MAF: variants seen among roughly 807,000 people sequenced by gnomAD.
The protein encoded by MAF is MAF bZIP transcription factor, also known as transcription factor Maf.
In MAF, 10 loss-of-function variants were observed where a neutral mutation model predicts 22.0. That is an observed-to-expected ratio of 0.45 (90% confidence interval 0.28 to 0.77). The LOEUF is 0.77. Among genes scored for constraint, MAF ranks in the 30% least tolerant of loss-of-function variants. MAF has a pLI of 0.12. For missense variants in MAF, 544 were observed against 548.4 expected (o/e 0.99, Z 0.08); for synonymous variants, 337 against 255.8 (o/e 1.32, Z -3.03).
At chr16:79,291,776 T>C in the MAF span, among the ~76,000 whole-genome samples, 10 of 147,068 alleles carry the variant, frequency 6.8e-5, 1 homozygote, top group African/African-American at 2.5e-4. Flanking sequence ...ATTGAGTACA[T>C]ACTAGATGGT....
At chr16:79,579,665 A>T in the MAF span, among the ~76,000 whole-genome samples, 1 of 152,230 alleles carries the variant, frequency 6.6e-6, no homozygotes, top group African/African-American at 2.4e-5. Flanking sequence ...AAAAAGATGC[A>T]TTCTCCGAAT....
At chr16:79,227,938 C>G in the MAF span, among the ~76,000 whole-genome samples, 4 of 152,104 alleles carry the variant, frequency 2.6e-5, no homozygotes, top group South Asian at 8.3e-4. Context: ...GGGTCTTTCT[C>G]TGTCACACAG....
the MAF span, among the ~76,000 whole-genome samples, chr16:79,491,516 C>T: frequency 6.6e-6 from 1 of 152,128 alleles, no homozygotes; most frequent in Non-Finnish European, 1.5e-5. Context: ...CCCATTTCCC[C>T]ATAGTGAAAT....
At chr16:79,318,928 C>G in the MAF span, among the ~76,000 whole-genome samples, 3 of 152,188 alleles carry the variant, frequency 2.0e-5, no homozygotes, top group African/African-American at 7.2e-5. Flanking sequence ...CAACAGCCAT[C>G]AGAACCCTCA....
the MAF span, among the ~76,000 whole-genome samples, chr16:79,480,065 G>C: frequency 6.6e-6 from 1 of 152,124 alleles, no homozygotes; most frequent in Non-Finnish European, 1.5e-5. Context: ...CAAGCTCCAG[G>C]GTGTAAGATT....
the MAF span, among the ~76,000 whole-genome samples, chr16:79,577,649 C>CTGGA: frequency 6.6e-6 from 1 of 152,162 alleles, no homozygotes; most frequent in South Asian, 2.1e-4. Context: ...TCCTGACATG[C>CTGGA]TGGAATAGCC....
chr16:79,257,942 C>T, the MAF span, among the ~76,000 whole-genome samples: 1 of 152,098 alleles, frequency 6.6e-6, no homozygotes, highest in Admixed American at 6.6e-5. Flanking sequence ...TTTTGTTTTC[C>T]TTTCTAAACT....
the MAF span, among the ~76,000 whole-genome samples, chr16:79,233,508 A>G: frequency 6.6e-6 from 1 of 152,044 alleles, no homozygotes; most frequent in Non-Finnish European, 1.5e-5. Flanking sequence ...TCAAGACACA[A>G]GATGCATCAG....
the MAF span, among the ~76,000 whole-genome samples, chr16:79,546,159 T>C: frequency 6.6e-6 from 1 of 152,180 alleles, no homozygotes; most frequent in East Asian, 1.9e-4. Flanking sequence ...ACTTTAAAAC[T>C]TGATTTTATT....
chr16:79,491,218 G>C, the MAF span, among the ~76,000 whole-genome samples: 1 of 152,150 alleles, frequency 6.6e-6, no homozygotes, highest in Admixed American at 6.5e-5. Flanking sequence ...GTGAGGACCA[G>C]ACTCAAAGGC....
At chr16:79,321,619 G>C in the MAF span, among the ~76,000 whole-genome samples, 1 of 150,532 alleles carries the variant, frequency 6.6e-6, no homozygotes, top group Non-Finnish European at 1.5e-5. Flanking sequence ...GGCCTGCTAA[G>C]ACTGGGTGTA....
At chr16:79,204,255 C>T in the MAF span, 1 of 152,136 alleles carries the variant, frequency 6.6e-6, no homozygotes, top group South Asian at 2.1e-4. Flanking sequence ...TATAAGACAT[C>T]ATCAACAATA....
the MAF span, among the ~76,000 whole-genome samples, chr16:79,348,893 G>A: frequency 3.3e-4 from 50 of 152,286 alleles, no homozygotes; most frequent in African/African-American, 9.9e-4. Flanking sequence ...GTTGTTAAGC[G>A]TTCCGGTGAC....
At chr16:79,342,930 A>G in the MAF span, among the ~76,000 whole-genome samples, 1 of 152,124 alleles carries the variant, frequency 6.6e-6, no homozygotes, top group African/African-American at 2.4e-5. Context: ...TCTCCTTACC[A>G]TTAATTGCTT....
At chr16:79,329,381 G>C in the MAF span, among the ~76,000 whole-genome samples, 1 of 152,090 alleles carries the variant, frequency 6.6e-6, no homozygotes, top group Non-Finnish European at 1.5e-5. Flanking sequence ...GCTTTATATA[G>C]GAAGAAAGTG....
chr16:79,436,470 AAAT>A, the MAF span, among the ~76,000 whole-genome samples: 1 of 152,232 alleles, frequency 6.6e-6, no homozygotes, highest in Non-Finnish European at 1.5e-5. Context: ...AACGCTTCTC[AAAT>A]AACACTGCCG....
chr16:79,493,048 C>T, the MAF span, among the ~76,000 whole-genome samples: 13 of 151,728 alleles, frequency 8.6e-5, no homozygotes. Context: ...AACCTCATCT[C>T]AAGGGTTCAA....
In MAF at chr16:79,600,477, T is replaced by C. The variant is rs1172111810; in HGVS notation, c.-575A>G. 7 of 195,286 alleles carry C rather than the reference T, an allele frequency of 3.6e-5. No homozygotes were observed. Among genetic ancestry groups the C allele is most frequent in the Non-Finnish European group, 1.2e-5 (1 of 84,992 alleles). The allele number at this position is 195,286 out of a possible 1,614,324, so 12.1% of individuals were successfully genotyped here. ...TCGCCTCCTCTTCTGCTTGGCTCTC[T>C]TTATTATTTTTTTTCTTTCCTCTCT... On this transcript the variant is annotated 5_prime_UTR_variant, in exon 1 of 2. Transcript: ENST00000326043.
chr16:79,355,587 T>A, the MAF span, among the ~76,000 whole-genome samples: 1 of 152,164 alleles, frequency 6.6e-6, no homozygotes, highest in Non-Finnish European at 1.5e-5. Flanking sequence ...GAACGTCCTA[T>A]CTCCCTGGTT....
Sources: allele counts gnomAD v4.1 joint callset (sites outside exome capture counted in the v4.1 genomes callset), GRCh38; gene constraint gnomAD v4.1.1; transcripts MANE v1.5; gene names NCBI Gene and HGNC (gene_info 2026-07-23, HGNC 2026-07-21).